Variants in THSD7A observed in about 807,000 individuals in gnomAD.
The protein encoded by THSD7A is thrombospondin type 1 domain containing 7A.
THSD7A carries 96 observed loss-of-function variants against 231.3 expected under a neutral mutation model. That is an observed-to-expected ratio of 0.41 (90% confidence interval 0.35 to 0.49). The LOEUF (loss-of-function observed/expected upper bound fraction) is 0.49, where lower values mean the gene tolerates loss of function less well. THSD7A is among the 20% of genes least tolerant of loss of function. The probability of loss-of-function intolerance (pLI) is 0.05; values close to 1 mark genes in which losing one functional copy is unlikely to be tolerated. For missense variants in THSD7A, 2,290 were observed against 2,070.2 expected (o/e 1.11, Z -2.06); for synonymous variants, 940 against 743.3 (o/e 1.26, Z -4.30).
At chr7:11,431,750 A>G (rs75037060) in intron 13 of THSD7A, among the ~76,000 whole-genome samples, 1,789 of 152,210 alleles carry the variant, frequency 0.012, 40 homozygotes, top group African/African-American at 0.041. Flanking sequence ...TTTTGATAGG[A>G]ATTGTGTCAA....
intron 6 of THSD7A, among the ~76,000 whole-genome samples, chr7:11,507,421 TG>T (rs1208593235): frequency 6.6e-6 from 1 of 152,152 alleles, no homozygotes; most frequent in Admixed American, 6.5e-5. Flanking sequence ...TTGGGAAATT[TG>T]TATGCCCGAA....
intron 4 of THSD7A, among the ~76,000 whole-genome samples, chr7:11,571,256 A>G (rs1197457054): frequency 1.3e-5 from 2 of 152,196 alleles, no homozygotes; most frequent in South Asian, 2.1e-4. Context: ...TGGAGGTTCC[A>G]CAGATCCTTG....
chr7:11,739,651 CA>C (rs1321361190), intron 1 of THSD7A, among the ~76,000 whole-genome samples: 1 of 151,668 alleles, frequency 6.6e-6, no homozygotes, highest in African/African-American at 2.4e-5. Flanking sequence ...CTCCTGGTCT[CA>C]AGCAATCCTC....
Position 11,401,754 on chromosome 7 carries a change from T to C in THSD7A, c.4411+41A>G, listed in dbSNP as rs1465426351. 5 of 1,515,316 alleles carry C rather than the reference T, an allele frequency of 3.3e-6. No individual in the cohort carries two copies. The African/African-American group carries it at 5.7e-5, about 17-fold the overall frequency. 93.9% of individuals were successfully genotyped at this position (1,515,316 alleles called of 1,614,324 possible). On this transcript the variant is annotated intron_variant, in intron 23 of 27. Coordinates refer to ENST00000423059, the MANE Select transcript of THSD7A (RefSeq NM_015204.3). ...ACAGACTATTTTTTTTTTAATCTTA[T>C]GCTTTTGCTTAAGATAGAGTATATG...
intron 1 of THSD7A, among the ~76,000 whole-genome samples, chr7:11,698,836 T>C (rs181569210): frequency 5.9e-4 from 89 of 151,580 alleles, no homozygotes; most frequent in South Asian, 5.0e-3. Context: ...TTCTCATCAT[T>C]TTAAATAGTT....
chr7:11,534,162 G>C (rs905833244), intron 6 of THSD7A, among the ~76,000 whole-genome samples: 1 of 152,122 alleles, frequency 6.6e-6, no homozygotes, highest in Non-Finnish European at 1.5e-5. Flanking sequence ...GATGGGGAGG[G>C]TGTATATTTT....
intron 2 of THSD7A, among the ~76,000 whole-genome samples, chr7:11,611,125 T>C (rs1299358918): frequency 6.6e-6 from 1 of 152,072 alleles, no homozygotes; most frequent in Admixed American, 6.5e-5. Flanking sequence ...TATTTGTCAA[T>C]ACTATGATAA....
At chr7:11,491,315 A>G (rs1215917967) in intron 6 of THSD7A, among the ~76,000 whole-genome samples, 2 of 152,080 alleles carry the variant, frequency 1.3e-5, no homozygotes, top group African/African-American at 4.8e-5. Flanking sequence ...TTGGGCTTCA[A>G]TTAAAAATTT....
At chr7:11,672,698 A>C (rs1387966274) in intron 1 of THSD7A, among the ~76,000 whole-genome samples, 5 of 152,162 alleles carry the variant, frequency 3.3e-5, no homozygotes, top group Non-Finnish European at 1.5e-5. Flanking sequence ...TCATTTAATA[A>C]AAAAAGTTCT....
At chr7:11,771,854 G>C (rs1164684358) in intron 1 of THSD7A, among the ~76,000 whole-genome samples, 1 of 152,042 alleles carries the variant, frequency 6.6e-6, no homozygotes, top group East Asian at 1.9e-4. Flanking sequence ...TTCTTGTGAC[G>C]GTGAGTGAAT....
At chr7:11,565,448 G>A (rs1410770071) in intron 4 of THSD7A, among the ~76,000 whole-genome samples, 3 of 152,190 alleles carry the variant, frequency 2.0e-5, no homozygotes, top group African/African-American at 4.8e-5. Flanking sequence ...GTTGTCATGC[G>A]AAGAATTGAT....
At chr7:11,496,614 G>A (rs1787111657) in intron 6 of THSD7A, among the ~76,000 whole-genome samples, 1 of 152,134 alleles carries the variant, frequency 6.6e-6, no homozygotes, top group Non-Finnish European at 1.5e-5. Context: ...AATGCACTAA[G>A]GAACACAAAT....
intron 2 of THSD7A, among the ~76,000 whole-genome samples, chr7:11,617,136 G>A (rs1226542185): frequency 6.6e-6 from 1 of 152,092 alleles, no homozygotes; most frequent in Non-Finnish European, 1.5e-5. Flanking sequence ...CATTTTATTT[G>A]GTTGGTCCAT....
intron 2 of THSD7A, among the ~76,000 whole-genome samples, chr7:11,622,819 T>G (rs895890092): frequency 1.5e-4 from 23 of 152,194 alleles, no homozygotes; most frequent in African/African-American, 5.3e-4. Context: ...TTTTTTTAAA[T>G]AACCAGTAAG....
chr7:11,590,415 A>G lies in THSD7A; in HGVS notation c.1453+45T>C, dbSNP rs1780108099. On this transcript the variant is annotated intron_variant, in intron 4 of 27. Coordinates refer to ENST00000423059, the MANE Select transcript of THSD7A (RefSeq NM_015204.3). This position sits in a 1 kb window ranked among gnomAD's most constrained non-coding sequence, Gnocchi z 4.4. ...ATCCCTTCAGAGCAATCACATGCTC[A>G]GTCAGTCTTCATAAGTGAATCCTTG... 6.4e-7 allele frequency: 1 copy of G among 1,566,868 alleles called. No homozygotes were observed. The highest frequency in any genetic ancestry group is 1.4e-5 in the African/African-American group (1 of 73,820).
chr7:11,585,699 C>T (rs1163964213), intron 4 of THSD7A, among the ~76,000 whole-genome samples: 2 of 152,116 alleles, frequency 1.3e-5, no homozygotes, highest in East Asian at 1.9e-4. Context: ...AGAGCCTATT[C>T]CGTCAGTTTA....
chr7:11,751,983 A>T (rs765035142), intron 1 of THSD7A, among the ~76,000 whole-genome samples: 2 of 152,114 alleles, frequency 1.3e-5, no homozygotes, highest in Non-Finnish European at 2.9e-5. Flanking sequence ...TGAAGTACTC[A>T]AACAATTTCA....
chr7:11,557,487 G>C (rs1041310152), intron 4 of THSD7A, among the ~76,000 whole-genome samples: 1 of 151,690 alleles, frequency 6.6e-6, no homozygotes, highest in African/African-American at 2.4e-5. Context: ...CGTTGAATCT[G>C]GTAACTCCCT....
At chr7:11,732,729 T>C (rs1446323607) in intron 1 of THSD7A, among the ~76,000 whole-genome samples, 1 of 151,810 alleles carries the variant, frequency 6.6e-6, no homozygotes, top group African/African-American at 2.4e-5. Flanking sequence ...GATGTAAGGG[T>C]TGTGGCAGCA....
Sources: allele counts gnomAD v4.1 joint callset (sites outside exome capture counted in the v4.1 genomes callset), GRCh38; gene constraint gnomAD v4.1.1; non-coding constraint Gnocchi (gnomAD v3.1); transcripts MANE v1.5; gene names NCBI Gene and HGNC (gene_info 2026-07-23, HGNC 2026-07-21).